Variants in CNTNAP2 observed in about 807,000 individuals in gnomAD.
CNTNAP2 encodes the protein contactin-associated protein-like 2.
CNTNAP2 carries 98 observed loss-of-function variants against 155.2 expected under a neutral mutation model. The observed-to-expected ratio is 0.63, with a 90% CI of 0.54 to 0.75. The LOEUF (loss-of-function observed/expected upper bound fraction) is 0.75. Ranked by LOEUF, CNTNAP2 falls within the 30% of genes least tolerant of loss-of-function variation. The pLI, the probability that CNTNAP2 is intolerant of heterozygous loss-of-function variation, is 0.00. For synonymous variants in CNTNAP2, 651 were observed against 631.2 expected, an observed-to-expected ratio of 1.03 and a Z score of -0.47; for missense variants, 1,727 against 1,688.1, an observed-to-expected ratio of 1.02 and a Z score of -0.40.
At chr7:146,535,451 G>A (rs1797853320) in intron 1 of CNTNAP2, among the ~76,000 whole-genome samples, 1 of 116,546 alleles carries the variant, frequency 8.6e-6, no homozygotes, top group Admixed American at 1.0e-4. Context: ...GTCATGGTAG[G>A]TTTTCACGAC....
intron 13 of CNTNAP2, among the ~76,000 whole-genome samples, chr7:147,688,372 A>C (rs1335622482): frequency 6.6e-6 from 1 of 152,180 alleles, no homozygotes; most frequent in Non-Finnish European, 1.5e-5. Flanking sequence ...GAAATGCGTG[A>C]AAGAGTACTT....
intron 1 of CNTNAP2, among the ~76,000 whole-genome samples, chr7:146,547,084 A>T (rs1032005571): frequency 6.6e-6 from 1 of 151,962 alleles, no homozygotes; most frequent in African/African-American, 2.4e-5. Context: ...GAGTGTGTCC[A>T]AAGGTCTGAA....
chr7:147,535,967 T>G (rs1293936500), intron 11 of CNTNAP2, among the ~76,000 whole-genome samples: 1 of 152,176 alleles, frequency 6.6e-6, no homozygotes, highest in Non-Finnish European at 1.5e-5. Context: ...CATATAGCAT[T>G]TCCCAACAAG....
chr7:146,884,619 G>A (rs1795620903), intron 3 of CNTNAP2, among the ~76,000 whole-genome samples: 1 of 152,076 alleles, frequency 6.6e-6, no homozygotes, highest in African/African-American at 2.4e-5. Flanking sequence ...TTTACATTCA[G>A]GTGATGAATA....
intron 19 of CNTNAP2, among the ~76,000 whole-genome samples, chr7:148,218,918 T>C (rs962548698): frequency 1.3e-5 from 2 of 148,972 alleles, no homozygotes; most frequent in Non-Finnish European, 3.0e-5. Context: ...TCATATACCT[T>C]AGAATTCTAA....
chr7:148,333,608 T>C (rs1462736886), intron 21 of CNTNAP2, among the ~76,000 whole-genome samples: 1 of 152,112 alleles, frequency 6.6e-6, no homozygotes, highest in Non-Finnish European at 1.5e-5. Context: ...ATCAGCTACA[T>C]TGGTGGAGTC....
At position 146,151,650 on chromosome 7, in the gene CNTNAP2, A is replaced by G. The variant is rs1232465409; in HGVS notation, c.97+34677A>G. 9.6e-4 allele frequency among the ~76,000 whole-genome samples: 21 copies of G among 21,844 alleles called. 1 individual carries two copies. The highest frequency in any genetic ancestry group is 4.4e-3 in the South Asian group (2 of 450). The allele number at this position is 21,844 out of a possible 152,430, so 14.3% of individuals were successfully genotyped here. ...AAGAAAACGTGATATATATATATAT[A>G]TATATATATATATATATATATATAT... is the stretch of plus-strand genomic sequence containing the variant. On this transcript the variant is annotated intron_variant, in intron 1 of 23. Transcript: ENST00000361727.
intron 3 of CNTNAP2, among the ~76,000 whole-genome samples, chr7:146,998,090 G>T (rs1373596203): frequency 6.6e-6 from 1 of 151,356 alleles, no homozygotes; most frequent in Non-Finnish European, 1.5e-5. Flanking sequence ...TTTTAGATAT[G>T]GGTTTTTTTC....
chr7:146,653,279 C>A (rs558489366), intron 1 of CNTNAP2, among the ~76,000 whole-genome samples: 1 of 152,186 alleles, frequency 6.6e-6, no homozygotes, highest in East Asian at 1.9e-4. Flanking sequence ...CTCTTTGGTT[C>A]TTAACTCTGC....
At chr7:148,225,594 G>C (rs758584887) in intron 19 of CNTNAP2, among the ~76,000 whole-genome samples, 1 of 152,106 alleles carries the variant, frequency 6.6e-6, no homozygotes, top group Non-Finnish European at 1.5e-5. Flanking sequence ...GGGATTTTGA[G>C]CAGAGGATCA....
In CNTNAP2 at chr7:146,694,174, ACT is replaced by A. The variant is rs752655318; in HGVS notation, c.98-80095_98-80094del. Among the ~76,000 whole-genome samples the A allele has an allele frequency of 4.4e-4, 67 of 152,306 alleles. 1 individual carries two copies. The East Asian group carries it at 6.2e-3, about 14-fold the overall frequency. ...GAGAGAAGCAAGGAATATAATTAAA[ACT>A]CAGCATCTAGAGAGCTAAGGAAGAG... is the stretch of plus-strand genomic sequence containing the variant. On this transcript the variant is annotated intron_variant, in intron 1 of 23. Coordinates refer to ENST00000361727, the MANE Select transcript of CNTNAP2 (RefSeq NM_014141.6).
intron 15 of CNTNAP2, among the ~76,000 whole-genome samples, chr7:148,070,450 G>A (rs939137199): frequency 2.0e-5 from 3 of 152,210 alleles, no homozygotes; most frequent in African/African-American, 7.2e-5. Flanking sequence ...GGGCACCGTG[G>A]CTCATGCCTG....
intron 14 of CNTNAP2, among the ~76,000 whole-genome samples, chr7:147,971,267 C>A (rs1801329812): frequency 6.6e-6 from 1 of 151,946 alleles, no homozygotes; most frequent in South Asian, 2.1e-4. Flanking sequence ...ATCTACAGTT[C>A]TTTTTTTTAA....
intron 8 of CNTNAP2, among the ~76,000 whole-genome samples, chr7:147,192,597 G>A (rs1009296164): frequency 2.0e-5 from 3 of 151,926 alleles, no homozygotes; most frequent in Admixed American, 6.6e-5. Context: ...GGGAACCACA[G>A]CTCTAATATA....
At chr7:146,512,757 A>G (rs547567924) in intron 1 of CNTNAP2, among the ~76,000 whole-genome samples, 4 of 151,944 alleles carry the variant, frequency 2.6e-5, no homozygotes, top group Non-Finnish European at 4.4e-5. Flanking sequence ...AAGAATGTGT[A>G]TTATGCAGCC....
chr7:146,721,501 TATTCTATATATAC>T (rs1160376814), intron 1 of CNTNAP2, among the ~76,000 whole-genome samples: 3 of 129,482 alleles, frequency 2.3e-5, no homozygotes, highest in East Asian at 4.4e-4. Context: ...ATTCTATATA[TATTCTATATATAC>T]ATTCTATATA....
At chr7:147,777,959 C>A (rs1055852863) in intron 13 of CNTNAP2, among the ~76,000 whole-genome samples, 15 of 152,124 alleles carry the variant, frequency 9.9e-5, no homozygotes, top group African/African-American at 3.6e-4. Flanking sequence ...CTTATTTATA[C>A]ACACACATCT....
At chr7:146,786,074 A>G (rs2129188038) in intron 2 of CNTNAP2, among the ~76,000 whole-genome samples, 1 of 152,322 alleles carries the variant, frequency 6.6e-6, no homozygotes, top group East Asian at 1.9e-4. Flanking sequence ...AGTGGCATTG[A>G]ACAGAGTTCA....
chr7:146,189,554 C>A (rs1192102040), intron 1 of CNTNAP2, among the ~76,000 whole-genome samples: 3 of 152,040 alleles, frequency 2.0e-5, no homozygotes, highest in Non-Finnish European at 2.9e-5. Context: ...GAAGGTGGAA[C>A]AAAGTCTATA....
Sources: allele counts gnomAD v4.1 joint callset (sites outside exome capture counted in the v4.1 genomes callset), GRCh38; gene constraint gnomAD v4.1.1; transcripts MANE v1.5; gene names NCBI Gene and HGNC (gene_info 2026-07-23, HGNC 2026-07-21).